ARHGEF18: variants seen among roughly 807,000 people sequenced by gnomAD.
ARHGEF18 encodes rho guanine nucleotide exchange factor 18.
ARHGEF18 carries 93 observed loss-of-function variants against 155.7 expected under a neutral mutation model. The observed-to-expected ratio is 0.60, with a 90% confidence interval of 0.50 to 0.71. ARHGEF18 has a LOEUF of 0.71. Ranked by LOEUF, ARHGEF18 falls within the 30% of genes least tolerant of loss-of-function variation. The pLI is 0.00. For missense variants in ARHGEF18, 1,593 were observed against 1,816.1 expected (o/e 0.88, Z 2.23); for synonymous variants, 742 against 753.1 (o/e 0.99, Z 0.24).
chr19:7,449,022 A>G (rs1238500764), intron 15 of ARHGEF18, among the ~76,000 whole-genome samples: 1 of 152,020 alleles, frequency 6.6e-6, no homozygotes, highest in East Asian at 1.9e-4. Flanking sequence ...TCATTGCATT[A>G]TAGGTAGGTA....
chr19:7,468,086 C>T (rs1267480937), intron 26 of ARHGEF18, among the ~76,000 whole-genome samples: 1 of 151,870 alleles, frequency 6.6e-6, no homozygotes, highest in South Asian at 2.1e-4. Flanking sequence ...CTGTGGTCCC[C>T]GCTACTTGGA....
At position 7,437,320 on chromosome 19, in the gene ARHGEF18, C is replaced by CA. The variant is rs1326652031; in HGVS notation, c.968-3024_968-3023insA. Among the ~76,000 whole-genome samples the CA allele has an allele frequency of 4.9e-3, 551 of 113,598 alleles. 3 individuals are homozygous for CA. Among genetic ancestry groups the CA allele is most frequent in the African/African-American group, 0.013 (365 of 27,694 alleles). 74.5% of individuals were successfully genotyped at this position (113,598 alleles called of 152,430 possible). On this transcript the variant is annotated intron_variant, in intron 10 of 28. Coordinates refer to ENST00000668164, the MANE Select transcript of ARHGEF18 (RefSeq NM_001367823.1). ...GCACATGCCTGTAATCCCAGCTACT[C>CA]GGGAGGCAGGAGAATCGCTTGAACC...
intron 10 of ARHGEF18, among the ~76,000 whole-genome samples, chr19:7,415,213 G>A (rs1457534963): frequency 6.6e-6 from 1 of 151,934 alleles, no homozygotes; most frequent in Non-Finnish European, 1.5e-5. Flanking sequence ...CCCTAACCCT[G>A]CTCCTGGGCA....
Position 7,467,670 on chromosome 19 carries a change from G to A in ARHGEF18, c.3466G>A (p.Asp1156Asn), listed in dbSNP as rs140818753. Residue 1156 changes from aspartate (D) to asparagine (N), a missense_variant, in exon 26 of 29, where the codon GAC becomes AAC. By Grantham distance (23) the Asp-to-Asn change is conservative. Transcript: ENST00000668164. ...CACCGCGCCAGGCGCGCTGCCGCCC[G>A]ACACACTGGCCGAGGTGAGCGCGCA... ...QNTAPGALPPDTLAEAQPPSH... is the reference protein window; with the variant it reads ...QNTAPGALPPNTLAEAQPPSH... 1.3e-5 allele frequency: 20 copies of A among 1,508,640 alleles called. No individual in the cohort carries two copies. The highest frequency in any genetic ancestry group is 1.1e-4 in the South Asian group (9 of 81,052). The allele number at this position is 1,508,640 out of a possible 1,614,324, so 93.5% of individuals were successfully genotyped here. A position where few individuals can be genotyped will look rare whatever the true frequency, so the allele number is the denominator to read the frequency against.
intron 8 of ARHGEF18, 23 bp downstream of exon 8, chr19:7,381,017 G>C: frequency 8.1e-7 from 1 of 1,231,210 alleles, no homozygotes. Context: ...ATCTGCTTCT[G>C]GGGAGGGCAG....
At chr19:7,379,456 G>A (rs1198760445) in intron 7 of ARHGEF18, among the ~76,000 whole-genome samples, 1 of 152,198 alleles carries the variant, frequency 6.6e-6, no homozygotes, top group African/African-American at 2.4e-5. Context: ...CTACTCAGGA[G>A]GCTGAGGCAG....
At chr19:7,458,297 TAAA>T (rs35712455) in intron 18 of ARHGEF18, among the ~76,000 whole-genome samples, 76 of 92,330 alleles carry the variant, frequency 8.2e-4, no homozygotes, top group African/African-American at 2.8e-3. Context: ...CAAGATAGTT[TAAA>T]AAAAAAAAAA....
Position 7,367,869 on chromosome 19 carries a change from TTTA to T in ARHGEF18, c.16-4941_16-4939del, listed in dbSNP as rs1371649377. ...ATATATATATATACACATATATATT[TTTA>T]TATATATATATTTTATATATATTTT... On this transcript the variant is annotated intron_variant, in intron 2 of 28. Transcript: ENST00000668164. Among the ~76,000 whole-genome samples, 25 of 83,600 alleles carry T rather than the reference TTTA, an allele frequency of 3.0e-4. 1 individual carries two copies. The highest frequency in any genetic ancestry group is 2.1e-3 in the Admixed American group (13 of 6,154). The allele number at this position is 83,600 out of a possible 152,430, so 54.8% of individuals were successfully genotyped here. A position where few individuals can be genotyped will look rare whatever the true frequency, so the allele number is the denominator to read the frequency against.
intron 5 of ARHGEF18, among the ~76,000 whole-genome samples, 183 bp from the exon 6 acceptor site, chr19:7,378,211 C>A (rs758328900): frequency 2.0e-5 from 3 of 152,172 alleles, no homozygotes; most frequent in Non-Finnish European, 4.4e-5. Context: ...ACACTGGGGA[C>A]ACCTGCGTTT....
chr19:7,428,704 C>T (rs1007381173), intron 10 of ARHGEF18, among the ~76,000 whole-genome samples: 12 of 151,908 alleles, frequency 7.9e-5, no homozygotes, highest in African/African-American at 2.7e-4. Context: ...GAAACTGTGT[C>T]GAAAAAACGA....
At chr19:7,425,779 C>T (rs1358019346) in intron 10 of ARHGEF18, among the ~76,000 whole-genome samples, 1 of 149,762 alleles carries the variant, frequency 6.7e-6, no homozygotes, top group African/African-American at 2.5e-5. Context: ...GCAGGAGAAT[C>T]GCTTGAGGTT....
chr19:7,352,531 C>CTTTTTTTTTTT (rs35219215), intron 1 of ARHGEF18, among the ~76,000 whole-genome samples: 2 of 93,188 alleles, frequency 2.1e-5, no homozygotes, highest in African/African-American at 4.6e-5. Flanking sequence ...CCTAGGTTTC[C>CTTTTTTTTTTT]TTTTTTTTTT....
intron 4 of ARHGEF18, 119 bp from the exon 5 acceptor site, chr19:7,376,524 G>A: frequency 2.0e-6 from 1 of 500,884 alleles, no homozygotes; most frequent in Non-Finnish European, 3.1e-6. Flanking sequence ...GCTTGGATGA[G>A]TGTGTCACCC....
rs569979417 is a variant in ARHGEF18 at position 7,452,088 on chromosome 19, G to T, written c.1855+822G>T. ...TCAGCACCATGAAAGCAGGAGCCAG[G>T]TCTCATTTGCCAACTGTTTCCCCCA... is the stretch of plus-strand genomic sequence containing the variant. On this transcript the variant is annotated intron_variant, in intron 16 of 28. Coordinates refer to ENST00000668164, the MANE Select transcript of ARHGEF18 (RefSeq NM_001367823.1). Among the ~76,000 whole-genome samples the T allele has an allele frequency of 2.0e-5, 3 of 152,316 alleles. No homozygotes were observed. In the South Asian group the frequency reaches 6.2e-4, roughly 32 times the overall value.
At chr19:7,412,409 C>T (rs912012914) in intron 10 of ARHGEF18, among the ~76,000 whole-genome samples, 20 of 151,412 alleles carry the variant, frequency 1.3e-4, no homozygotes, top group South Asian at 6.3e-4. Flanking sequence ...CTGGTTTCTC[C>T]GCCTTCTCAC....
At chr19:7,378,217 C>T (rs563130190) in intron 5 of ARHGEF18, among the ~76,000 whole-genome samples, 177 bp from the exon 6 acceptor site, 2 of 152,300 alleles carry the variant, frequency 1.3e-5, no homozygotes, top group South Asian at 4.1e-4. Context: ...GGGACACCTG[C>T]GTTTGTCCCT....
chr19:7,435,865 G>C (rs975054020), intron 10 of ARHGEF18, among the ~76,000 whole-genome samples: 20 of 152,010 alleles, frequency 1.3e-4, no homozygotes, highest in African/African-American at 4.1e-4. Context: ...TCAGAGTCTT[G>C]CTCTGTCACC....
chr19:7,363,233 T>G (rs985067464), intron 2 of ARHGEF18, among the ~76,000 whole-genome samples: 5 of 151,340 alleles, frequency 3.3e-5, no homozygotes, highest in Non-Finnish European at 5.9e-5. Context: ...GATGGATGGA[T>G]GGATACGTGG....
downstream of ARHGEF18, chr19:7,477,429 G>T: frequency 6.9e-7 from 1 of 1,446,614 alleles, no homozygotes; most frequent in Non-Finnish European, 9.1e-7. Flanking sequence ...TTGCCCCGGG[G>T]CAGCGGGCTG....
Sources: allele counts gnomAD v4.1 joint callset (sites outside exome capture counted in the v4.1 genomes callset), GRCh38; gene constraint gnomAD v4.1.1; transcripts MANE v1.5; gene names NCBI Gene and HGNC (gene_info 2026-07-23, HGNC 2026-07-21).